KHDRBS2: variants seen among roughly 807,000 people sequenced by gnomAD.
KHDRBS2 encodes KH domain-containing, RNA-binding, signal transduction-associated protein 2.
KHDRBS2 carries 26 observed loss-of-function variants against 44.3 expected under a neutral mutation model. The ratio of observed to expected loss-of-function variants is 0.59; its 90% CI spans 0.43 to 0.81. The LOEUF (loss-of-function observed/expected upper bound fraction) is 0.81, where lower values mean the gene tolerates loss of function less well. Ranked by LOEUF, KHDRBS2 falls within the 40% of genes least tolerant of loss-of-function variation. The pLI is 0.00. For missense variants in KHDRBS2, 476 were observed against 433.1 expected (o/e 1.10, Z -0.88); for synonymous variants, 194 against 151.1 (o/e 1.28, Z -2.08).
the KHDRBS2 span, among the ~76,000 whole-genome samples, chr6:61,638,324 A>G: frequency 6.6e-6 from 1 of 152,082 alleles, no homozygotes; most frequent in Non-Finnish European, 1.5e-5. Context: ...GATCAATGGA[A>G]CAGAACAGAG....
At chr6:61,593,972 G>A in the KHDRBS2 span, among the ~76,000 whole-genome samples, 1 of 152,048 alleles carries the variant, frequency 6.6e-6, no homozygotes, top group African/African-American at 2.4e-5. Context: ...TCCAGTCAAA[G>A]CTTTGGTAAA....
At chr6:62,089,497 T>C (rs1799091149) in intron 2 of KHDRBS2, among the ~76,000 whole-genome samples, 1 of 152,078 alleles carries the variant, frequency 6.6e-6, no homozygotes, top group Non-Finnish European at 1.5e-5. Flanking sequence ...CCTGACCCCT[T>C]GCACTTTTCA....
intron 6 of KHDRBS2, among the ~76,000 whole-genome samples, chr6:61,851,454 C>T (rs1340634332): frequency 2.0e-4 from 30 of 151,902 alleles, no homozygotes; most frequent in Admixed American, 1.7e-3. Context: ...TATCTGGAGA[C>T]GCAGCTTTTA....
chr6:61,631,114 A>C, the KHDRBS2 span, among the ~76,000 whole-genome samples: 4 of 152,084 alleles, frequency 2.6e-5, no homozygotes, highest in African/African-American at 9.7e-5. Context: ...TAGAAGAGAC[A>C]TATCACTAAG....
At chr6:62,152,409 G>C (rs1351848216) in intron 2 of KHDRBS2, among the ~76,000 whole-genome samples, 2 of 152,164 alleles carry the variant, frequency 1.3e-5, no homozygotes, top group Non-Finnish European at 2.9e-5. Flanking sequence ...CTAGCACAGT[G>C]TCTAACACTT....
intron 6 of KHDRBS2, among the ~76,000 whole-genome samples, chr6:61,844,798 G>A (rs1035833422): frequency 1.8e-4 from 27 of 152,142 alleles, no homozygotes; most frequent in African/African-American, 1.4e-4. Flanking sequence ...ATATTCTGCC[G>A]TACATTTTAG....
chr6:61,587,459 T>G, the KHDRBS2 span, among the ~76,000 whole-genome samples: 1 of 152,120 alleles, frequency 6.6e-6, no homozygotes, highest in African/African-American at 2.4e-5. Context: ...ACTCGCCTTG[T>G]GTAATACTAG....
intron 6 of KHDRBS2, among the ~76,000 whole-genome samples, chr6:61,871,672 C>T (rs985055617): frequency 2.0e-5 from 3 of 152,142 alleles, no homozygotes; most frequent in African/African-American, 4.8e-5. Context: ...AGAATCTCTA[C>T]AAGCCAGAAG....
chr6:61,744,195 A>G (rs1303015365), intron 6 of KHDRBS2, among the ~76,000 whole-genome samples: 1 of 152,132 alleles, frequency 6.6e-6, no homozygotes, highest in African/African-American at 2.4e-5. Context: ...GGCAGAAGAC[A>G]TAACTCTTGG....
rs115711821 is a variant in KHDRBS2 at position 62,256,573 on chromosome 6, C to T, written c.91+29285G>A. Among the ~76,000 whole-genome samples the T allele has an allele frequency of 2.5e-3, 386 of 152,112 alleles. 3 individuals carry two copies. Among genetic ancestry groups the T allele is most frequent in the African/African-American group, 8.5e-3 (353 of 41,536 alleles). On this transcript the variant is annotated intron_variant, in intron 1 of 8. Coordinates refer to ENST00000281156, the MANE Select transcript of KHDRBS2 (RefSeq NM_152688.4). ...CATGATTGTGAGACTTCCCCAGACA[C>T]GTGGAACTGAGTCCATTAAACCTCT... is the stretch of plus-strand genomic sequence containing the variant.
At chr6:61,889,317 G>A (rs980925167) in intron 6 of KHDRBS2, among the ~76,000 whole-genome samples, 1 of 152,138 alleles carries the variant, frequency 6.6e-6, no homozygotes, top group Non-Finnish European at 1.5e-5. Flanking sequence ...CAGACCTTGA[G>A]GTGCTGCTGT....
rs1334545300 is a variant in KHDRBS2, at chr6:61,795,168, AAAG to A, written c.811-62407_811-62405del. 2.8e-4 allele frequency among the ~76,000 whole-genome samples: 42 copies of A among 151,504 alleles called. 2 individuals carry two copies. The highest frequency in any genetic ancestry group is 9.7e-4 in the African/African-American group (40 of 41,342). On this transcript the variant is annotated intron_variant, in intron 6 of 8. Coordinates refer to ENST00000281156, the MANE Select transcript of KHDRBS2 (RefSeq NM_152688.4). Reference sequence around the variant, plus strand: ...TCAAAAAAAAAAAAAAAAAAAAAAAAAAGAAAAACATATTTTAGTTTTTCTACA... The same window carrying A: ...TCAAAAAAAAAAAAAAAAAAAAAAAAAAAAACATATTTTAGTTTTTCTACA...
the KHDRBS2 span, among the ~76,000 whole-genome samples, chr6:61,613,093 C>A: frequency 4.6e-5 from 7 of 152,110 alleles, no homozygotes; most frequent in African/African-American, 1.7e-4. Flanking sequence ...ACCTTGTGAT[C>A]CTCCCGCCTT....
chr6:62,190,279 C>T (rs1444111579), intron 1 of KHDRBS2, among the ~76,000 whole-genome samples: 2 of 152,164 alleles, frequency 1.3e-5, no homozygotes, highest in Non-Finnish European at 2.9e-5. Context: ...AAAGATGCTG[C>T]GTATCTTTAT....
At chr6:61,738,130 G>C (rs986925888) in intron 6 of KHDRBS2, among the ~76,000 whole-genome samples, 14 of 151,804 alleles carry the variant, frequency 9.2e-5, no homozygotes, top group Non-Finnish European at 1.9e-4. Context: ...TCATGTCCTG[G>C]CTTATTAGTA....
chr6:62,095,469 G>C (rs1800387653), intron 2 of KHDRBS2, among the ~76,000 whole-genome samples: 1 of 151,744 alleles, frequency 6.6e-6, no homozygotes. Context: ...ACAGTATTAA[G>C]TACAGTAACA....
rs550477905 is a variant in KHDRBS2, at chr6:61,895,137, C to A, written c.612-304G>T. ...CCCAAAGCCAGAAAAAAAAAAAAAA[C>A]CCAAACAAAAACCCACTCTGAATAT... On this transcript the variant is annotated intron_variant, in intron 5 of 8. Coordinates refer to ENST00000281156, the MANE Select transcript of KHDRBS2 (RefSeq NM_152688.4). 2.2e-3 allele frequency among the ~76,000 whole-genome samples: 314 copies of A among 145,978 alleles called. 2 individuals are homozygous for A. The highest frequency in any genetic ancestry group is 2.9e-3 in the Non-Finnish European group (193 of 66,160).
intron 3 of KHDRBS2, among the ~76,000 whole-genome samples, chr6:62,044,678 C>T (rs1432842304): frequency 2.0e-5 from 3 of 151,848 alleles, no homozygotes; most frequent in African/African-American, 2.4e-5. Context: ...GAGTGCCGAC[C>T]CAGGCTTTGT....
chr6:62,193,122 C>T (rs996330805), intron 1 of KHDRBS2, among the ~76,000 whole-genome samples: 9 of 151,718 alleles, frequency 5.9e-5, no homozygotes, highest in South Asian at 2.1e-4. Flanking sequence ...ATATTTAAAA[C>T]GAATATATAT....
Sources: gnomAD v4.1 joint callset for allele counts (sites outside exome capture counted in the v4.1 genomes callset) on GRCh38, gnomAD v4.1.1 for gene constraint, MANE v1.5 for transcripts, NCBI Gene and HGNC (gene_info 2026-07-23, HGNC 2026-07-21) for gene names.